The following SP140L variants were observed in gnomAD, a reference collection of about 807,000 sequenced individuals.
SP140L encodes the protein nuclear body protein SP140-like protein.
Under a neutral mutation model 84.3 loss-of-function variants are expected in SP140L, and 64 were observed. That is an observed-to-expected ratio of 0.76 (90% CI 0.62 to 0.94). SP140L has a LOEUF of 0.94. SP140L is among the 40% of genes least tolerant of loss of function. SP140L has a pLI of 0.00. For missense variants in SP140L, 628 were observed against 692.5 expected (o/e 0.91, Z 1.05); for synonymous variants, 242 against 236.9 (o/e 1.02, Z -0.20).
intron 5 of SP140L, among the ~76,000 whole-genome samples, chr2:230,365,330 T>G (rs1387516906): frequency 6.6e-6 from 1 of 152,098 alleles, no homozygotes; most frequent in Admixed American, 6.5e-5. Context: ...ATCTCCTTAT[T>G]CATTATTGGT....
intron 2 of SP140L, among the ~76,000 whole-genome samples, chr2:230,344,970 G>A (rs1041837167): frequency 1.6e-4 from 25 of 152,116 alleles, no homozygotes; most frequent in African/African-American, 6.0e-4. Context: ...TAGAATATGT[G>A]TTTTGCTGCT....
At chr2:230,396,686 A>T (rs1437614579) in intron 13 of SP140L, 71 bp from the exon 14 acceptor site, 10 of 1,558,930 alleles carry the variant, frequency 6.4e-6, no homozygotes, top group Non-Finnish European at 7.9e-6. Context: ...ATGACTATTT[A>T]AATTTAAGTA....
chr2:230,344,846 C>G (rs1252525400), intron 2 of SP140L, among the ~76,000 whole-genome samples: 1 of 152,166 alleles, frequency 6.6e-6, no homozygotes, highest in Middle Eastern at 3.4e-3. Context: ...TCTGAATTTC[C>G]TCCTGTTATG....
At chr2:230,377,122 A>G (rs543440173) in intron 7 of SP140L, among the ~76,000 whole-genome samples, 1 of 152,330 alleles carries the variant, frequency 6.6e-6, no homozygotes, top group East Asian at 1.9e-4. Context: ...CCATCACCCC[A>G]AAGTCCACTT....
intron 5 of SP140L, among the ~76,000 whole-genome samples, chr2:230,369,210 T>C (rs879935240): frequency 1.3e-5 from 2 of 152,212 alleles, no homozygotes; most frequent in African/African-American, 2.4e-5. Context: ...GGCAGGTCTA[T>C]GCTGGGGCAG....
At chr2:230,356,154 A>G (rs112191072) in intron 2 of SP140L, among the ~76,000 whole-genome samples, 3,601 of 152,268 alleles carry the variant, frequency 0.024, 143 homozygotes, top group African/African-American at 0.082. Flanking sequence ...CTAAAACTAG[A>G]AAGGCCATCA....
At chr2:230,376,450 C>T (rs1042619879) in intron 7 of SP140L, among the ~76,000 whole-genome samples, 10 of 152,000 alleles carry the variant, frequency 6.6e-5, no homozygotes, top group Non-Finnish European at 1.5e-4. Flanking sequence ...AATGAACTAT[C>T]CAAAAAGAAA....
intron 2 of SP140L, among the ~76,000 whole-genome samples, chr2:230,353,662 CA>C: frequency 6.6e-6 from 1 of 152,146 alleles, no homozygotes; most frequent in Non-Finnish European, 1.5e-5. Flanking sequence ...CAATTAGTAT[CA>C]ATATCATCAA....
In SP140L at chr2:230,385,835, TTGGGGGGTGACA is replaced by T. The variant is rs546662810; in HGVS notation, c.784+535_784+546del. Among the ~76,000 whole-genome samples the T allele has an allele frequency of 1.6e-3, 246 of 152,250 alleles. 3 individuals are homozygous for T. Among genetic ancestry groups the T allele is most frequent in the Middle Eastern group, 3.4e-3 (1 of 294 alleles). On this transcript the variant is annotated intron_variant, in intron 9 of 18. Coordinates refer to ENST00000415673, the MANE Select transcript of SP140L (RefSeq NM_138402.6). Reference sequence around the variant, plus strand: ...AAGCCTTAGTCTGGAACACATATAGTTGGGGGGTGACATGGCCAGTGTCTTCTCTTATTCTGT... The same window carrying T: ...AAGCCTTAGTCTGGAACACATATAGTTGGCCAGTGTCTTCTCTTATTCTGT...
chr2:230,334,206 A>G (rs895313899), intron 2 of SP140L, among the ~76,000 whole-genome samples: 16 of 152,114 alleles, frequency 1.1e-4, no homozygotes, highest in African/African-American at 3.6e-4. Context: ...CTAATTACTA[A>G]CCACTTCCAG....
intron 7 of SP140L, 151 bp downstream of exon 7, chr2:230,371,802 A>C: frequency 1.5e-6 from 1 of 685,466 alleles, no homozygotes; most frequent in Admixed American, 2.5e-5. Context: ...TCCACCTCCT[A>C]ATCCCTGGAC....
At chr2:230,367,802 C>CGTGCCTGTAACCCCAGCT (rs201011512) in intron 5 of SP140L, among the ~76,000 whole-genome samples, 1,632 of 152,162 alleles carry the variant, frequency 0.011, 26 homozygotes, top group African/African-American at 0.037. Flanking sequence ...CATGGTGGCA[C>CGTGCCTGTAACCCCAGCT]GTGCCTGTAA....
chr2:230,396,970 T>C (rs1380741666), intron 14 of SP140L, among the ~76,000 whole-genome samples, 172 bp downstream of exon 14: 1 of 152,158 alleles, frequency 6.6e-6, no homozygotes, highest in Non-Finnish European at 1.5e-5. Flanking sequence ...GGGCCTTGGA[T>C]GTCTTGCAGT....
At chr2:230,354,865 G>GA (rs1553617566) in intron 2 of SP140L, among the ~76,000 whole-genome samples, 1 of 107,032 alleles carries the variant, frequency 9.3e-6, no homozygotes, top group Non-Finnish European at 1.9e-5. Flanking sequence ...AAGAAAGAAA[G>GA]AAAGAAAGAA....
chr2:230,356,756 A>G lies in SP140L; in HGVS notation c.108-1049A>G, dbSNP rs893009080. Among the ~76,000 whole-genome samples, 7 of 152,300 alleles carry G rather than the reference A, an allele frequency of 4.6e-5. 1 individual carries two copies. Among genetic ancestry groups the G allele is most frequent in the Non-Finnish European group, 1.0e-4 (7 of 68,014 alleles). ...TAACCTCTAGGAGCATCCCCTACCT[A>G]CTATTGCAACTAGCACTTTTCTGAC... On this transcript the variant is annotated intron_variant, in intron 2 of 18. Transcript: ENST00000415673.
intron 5 of SP140L, among the ~76,000 whole-genome samples, chr2:230,367,379 A>G (rs1451021690): frequency 7.4e-6 from 1 of 135,752 alleles, no homozygotes; most frequent in Admixed American, 8.4e-5. Flanking sequence ...TGTAGCCTTG[A>G]TCTCCTAGGC....
chr2:230,331,316 A>G (rs778763784), intron 2 of SP140L, among the ~76,000 whole-genome samples: 7 of 152,166 alleles, frequency 4.6e-5, no homozygotes, highest in Non-Finnish European at 7.3e-5. Flanking sequence ...ATGGGGGAAA[A>G]CATAGTATAT....
intron 2 of SP140L, among the ~76,000 whole-genome samples, chr2:230,337,419 A>G (rs1465836735): frequency 6.6e-6 from 1 of 152,046 alleles, no homozygotes; most frequent in Non-Finnish European, 1.5e-5. Flanking sequence ...AGTAGGTTGC[A>G]AAAATTTTCT....
chr2:230,393,592 AT>A (rs1164576482), intron 13 of SP140L, 131 bp downstream of exon 13: 6 of 1,112,702 alleles, frequency 5.4e-6, no homozygotes, highest in African/African-American at 1.6e-5. Context: ...CCACATATAA[AT>A]TTTTTTAATA....
Sources: gnomAD v4.1 joint callset for allele counts (sites outside exome capture counted in the v4.1 genomes callset) on GRCh38, gnomAD v4.1.1 for gene constraint, MANE v1.5 for transcripts, NCBI Gene and HGNC (gene_info 2026-07-23, HGNC 2026-07-21) for gene names.